Variants in RPH3A observed in about 807,000 individuals in gnomAD.
RPH3A encodes rabphilin-3A.
Under a neutral mutation model 102.2 loss-of-function variants are expected in RPH3A, and 48 were observed. The ratio of observed to expected loss-of-function variants is 0.47; its 90% CI spans 0.37 to 0.60. The LOEUF is 0.60. RPH3A is among the 20% of genes least tolerant of loss of function. The pLI, the probability that RPH3A is intolerant of heterozygous loss-of-function variation, is 0.00. For missense variants in RPH3A, 781 were observed against 910.1 expected (o/e 0.86, Z 1.83); for synonymous variants, 310 against 324.3 (o/e 0.96, Z 0.47).
At chr12:112,836,256 A>G (rs962860477) in intron 3 of RPH3A, among the ~76,000 whole-genome samples, 1 of 152,240 alleles carries the variant, frequency 6.6e-6, no homozygotes, top group Admixed American at 6.5e-5. Context: ...TCAGTTAATT[A>G]ATAAGCCAAA....
chr12:112,635,660 C>T (rs1013061401), intron 1 of RPH3A, among the ~76,000 whole-genome samples: 1 of 152,160 alleles, frequency 6.6e-6, no homozygotes, highest in Non-Finnish European at 1.5e-5. Context: ...TCTCCTACCC[C>T]TTTTAGTGAT....
chr12:112,724,962 T>C (rs534646629), intron 1 of RPH3A, among the ~76,000 whole-genome samples: 4 of 147,392 alleles, frequency 2.7e-5, no homozygotes, highest in African/African-American at 1.0e-4. Context: ...AGCGAGACTC[T>C]GCCTAAAAAA....
chr12:112,715,111 T>C (rs2040504666), intron 1 of RPH3A, among the ~76,000 whole-genome samples: 1 of 152,216 alleles, frequency 6.6e-6, no homozygotes, highest in Non-Finnish European at 1.5e-5. Flanking sequence ...CATCTCTCCA[T>C]ATGCTTTTAC....
chr12:112,699,657 A>T (rs990781775), intron 1 of RPH3A, among the ~76,000 whole-genome samples: 5 of 152,194 alleles, frequency 3.3e-5, no homozygotes, highest in African/African-American at 1.2e-4. Flanking sequence ...ACTTGTGGGG[A>T]TGATAGAAAC....
chr12:112,894,582 C>T lies in RPH3A; in HGVS notation c.1780C>T (p.Leu594=), dbSNP rs1372365684. 1.9e-6 allele frequency: 3 copies of T among 1,613,704 alleles called. No homozygotes were observed. The East Asian group carries it at 6.7e-5, about 36-fold the overall frequency. ...GYSDPFVKLW[L]KPDMGKKAKH... ...GCATGTTGTGTCGCCTCCCAGCTGG[C>T]TGAAACCGGACATGGGAAAGAAGGC... is the stretch of plus-strand genomic sequence containing the variant. The change falls in exon 20 of 22, where the codon CTG becomes TTG. Residue 594 remains leucine, a synonymous_variant. Coordinates refer to ENST00000389385, the MANE Select transcript of RPH3A (RefSeq NM_001143854.2).
chr12:112,782,018 A>G (rs186604844), intron 1 of RPH3A, among the ~76,000 whole-genome samples: 1 of 152,236 alleles, frequency 6.6e-6, no homozygotes, highest in Non-Finnish European at 1.5e-5. Flanking sequence ...GATACAGGCT[A>G]TTATGGAAGC....
chr12:112,679,000 G>A (rs546249493), intron 1 of RPH3A, among the ~76,000 whole-genome samples: 2 of 152,042 alleles, frequency 1.3e-5, no homozygotes, highest in South Asian at 4.2e-4. Context: ...TTCTCTTTTT[G>A]CAAACATCAG....
At chr12:112,672,833 GC>G (rs2040144136) in intron 1 of RPH3A, among the ~76,000 whole-genome samples, 1 of 152,128 alleles carries the variant, frequency 6.6e-6, no homozygotes, top group Non-Finnish European at 1.5e-5. Flanking sequence ...GCAGTCCTAG[GC>G]CTCCCAGCGC....
At chr12:112,651,920 A>G (rs2039977768) in intron 1 of RPH3A, 1 of 152,228 alleles carries the variant, frequency 6.6e-6, no homozygotes, top group South Asian at 2.1e-4. Flanking sequence ...AGCATGTATC[A>G]GTATTTCATT....
intron 1 of RPH3A, among the ~76,000 whole-genome samples, chr12:112,613,248 A>G (rs2039652482): frequency 6.6e-6 from 1 of 151,894 alleles, no homozygotes; most frequent in Non-Finnish European, 1.5e-5. Context: ...AAGCCTGCTG[A>G]GTTTGTTGCG....
intron 17 of RPH3A, among the ~76,000 whole-genome samples, chr12:112,888,747 G>A (rs1349570845): frequency 1.3e-5 from 2 of 152,222 alleles, no homozygotes; most frequent in African/African-American, 2.4e-5. Context: ...CTGCAATGGG[G>A]TTGCACCTCA....
intron 4 of RPH3A, among the ~76,000 whole-genome samples, chr12:112,846,791 A>G (rs1311787054): frequency 1.3e-5 from 2 of 152,196 alleles, no homozygotes; most frequent in South Asian, 2.1e-4. Context: ...CTAATTTGTC[A>G]TAGACCACAG....
intron 5 of RPH3A, among the ~76,000 whole-genome samples, chr12:112,849,039 A>G (rs2042278541): frequency 6.6e-6 from 1 of 152,164 alleles, no homozygotes; most frequent in Non-Finnish European, 1.5e-5. Flanking sequence ...TGCCAGGGGA[A>G]GCCATTGCCA....
intron 1 of RPH3A, among the ~76,000 whole-genome samples, chr12:112,685,138 T>C (rs1202036628): frequency 6.6e-6 from 1 of 152,154 alleles, no homozygotes; most frequent in Non-Finnish European, 1.5e-5. Flanking sequence ...GTTCTCACTA[T>C]GTTGCCCAGG....
intron 1 of RPH3A, among the ~76,000 whole-genome samples, chr12:112,718,842 T>C (rs971146647): frequency 1.3e-5 from 2 of 152,238 alleles, no homozygotes; most frequent in African/African-American, 2.4e-5. Context: ...ATTGGTGATG[T>C]TTGCCATGGG....
rs371775080 is a variant in RPH3A at position 112,869,933 on chromosome 12, G to C, written c.690G>C (p.Gly230=). Residue 230 remains glycine (G), a synonymous_variant, in exon 10 of 22, where the codon GGG becomes GGC. Coordinates refer to ENST00000389385, the MANE Select transcript of RPH3A (RefSeq NM_001143854.2). ...CTGCTCCCGGGCGAGGAAACTATGG[G>C]CCTCCCGTGCGCAGGGCCTCCGAGG... ...PASAPGRGNY[G]PPVRRASEAR... is the part of the protein sequence containing the mutation. The C allele has an allele frequency of 5.0e-6, 8 of 1,613,988 alleles. No homozygotes were observed. Among genetic ancestry groups the C allele is most frequent in the Non-Finnish European group, 6.8e-6 (8 of 1,180,012 alleles).
Position 112,887,795 on chromosome 12 carries a change from A to G in RPH3A, c.1437-2A>G. 2.5e-6 allele frequency: 4 copies of G among 1,613,264 alleles called. No homozygotes were observed. Among genetic ancestry groups the G allele is most frequent in the Non-Finnish European group, 3.4e-6 (4 of 1,179,442 alleles). On this transcript the variant is annotated splice_acceptor_variant, in intron 16 of 21. Coordinates refer to ENST00000389385, the MANE Select transcript of RPH3A (RefSeq NM_001143854.2). LOFTEE classifies it high-confidence loss of function. ...CTCTCTACCCCCTTGTGTTGGTGGC[A>G]GGATCTCCGTCTGTGATGAGGACAA... is the stretch of plus-strand genomic sequence containing the variant.
chr12:112,704,419 G>A (rs992644315), intron 1 of RPH3A, among the ~76,000 whole-genome samples: 1 of 152,070 alleles, frequency 6.6e-6, no homozygotes, highest in Admixed American at 6.6e-5. Context: ...CAGATCTATG[G>A]TGCTGGGTGA....
At chr12:112,816,930 A>G (rs2041682864) in intron 2 of RPH3A, among the ~76,000 whole-genome samples, 1 of 152,194 alleles carries the variant, frequency 6.6e-6, no homozygotes, top group African/African-American at 2.4e-5. Context: ...AGGACTTCAG[A>G]TAAGTGATTT....
Sources: gnomAD v4.1 joint callset for allele counts (sites outside exome capture counted in the v4.1 genomes callset) on GRCh38, gnomAD v4.1.1 for gene constraint, MANE v1.5 for transcripts, NCBI Gene and HGNC (gene_info 2026-07-23, HGNC 2026-07-21) for gene names.